Variants in FAM200B observed in about 807,000 individuals in gnomAD.
FAM200B encodes the protein zinc finger BED-type containing 11, also known as protein FAM200B.
A neutral mutation model predicts 33.1 loss-of-function variants in FAM200B; 32 were observed. That is an observed-to-expected ratio of 0.97 (90% CI 0.73 to 1.30). FAM200B has a LOEUF of 1.30. FAM200B is among the 50% of genes most tolerant of loss of function. The probability of loss-of-function intolerance (pLI) is 0.00; values close to 1 mark genes in which losing one functional copy is unlikely to be tolerated. For missense variants in FAM200B, 741 were observed against 754.0 expected (o/e 0.98, Z 0.20); for synonymous variants, 240 against 264.8 (o/e 0.91, Z 0.91).
chr4:15,685,547 G>A (rs532085319), intron 1 of FAM200B, among the ~76,000 whole-genome samples: 44 of 152,198 alleles, frequency 2.9e-4, no homozygotes, highest in African/African-American at 1.0e-3. Flanking sequence ...GTCTGTGTTG[G>A]GAGTTGGGGG....
chr4:15,646,731 T>G, the FAM200B span, among the ~76,000 whole-genome samples: 1 of 129,886 alleles, frequency 7.7e-6, no homozygotes, highest in African/African-American at 2.8e-5. Context: ...GTGTGTGATG[T>G]TCCCCTTCCC....
chr4:15,643,150 C>A, the FAM200B span, among the ~76,000 whole-genome samples: 3 of 152,012 alleles, frequency 2.0e-5, no homozygotes, highest in African/African-American at 7.2e-5. Flanking sequence ...TATCTAGTAC[C>A]CTACCCCAAC....
intron 1 of FAM200B, among the ~76,000 whole-genome samples, chr4:15,684,338 C>A (rs1718626971): frequency 6.6e-6 from 1 of 152,206 alleles, no homozygotes; most frequent in African/African-American, 2.4e-5. Flanking sequence ...CAGGTTTGAA[C>A]TTCTCCCCTA....
chr4:15,662,260 A>G, the FAM200B span, among the ~76,000 whole-genome samples: 32 of 152,326 alleles, frequency 2.1e-4, no homozygotes, highest in African/African-American at 7.0e-4. Flanking sequence ...ATTTAGGGGC[A>G]TAGGCTCCTT....
At chr4:15,656,217 A>G in the FAM200B span, 2 of 456,148 alleles carry the variant, frequency 4.4e-6, no homozygotes, top group Non-Finnish European at 4.4e-6. Context: ...GAGAGAAAAC[A>G]AGGTCACTAA....
intron 1 of FAM200B, among the ~76,000 whole-genome samples, chr4:15,683,188 C>T (rs1405404013): frequency 6.6e-6 from 1 of 152,170 alleles, no homozygotes; most frequent in African/African-American, 2.4e-5. Context: ...TTTTCCTAGT[C>T]CATCATATTA....
the FAM200B span, among the ~76,000 whole-genome samples, chr4:15,674,049 A>G: frequency 1.3e-5 from 2 of 152,360 alleles, no homozygotes; most frequent in Admixed American, 1.3e-4. Flanking sequence ...TGCCAGAACA[A>G]AAATTGATAC....
upstream of FAM200B, among the ~76,000 whole-genome samples, chr4:15,680,812 C>T (rs1008136314): frequency 2.0e-5 from 3 of 151,518 alleles, no homozygotes; most frequent in African/African-American, 4.8e-5. Flanking sequence ...GAAATTCAAG[C>T]TCCTGTATCT....
Position 15,688,874 on chromosome 4 carries a change from G to C in FAM200B, c.1897G>C (p.Ala633Pro). Residue 633 changes from alanine to proline, a missense_variant, in exon 2 of 2, where the codon GCA (alanine) becomes CCA (proline). Ala to Pro is a conservative substitution (Grantham distance 27). Coordinates refer to ENST00000422728, the MANE Select transcript of FAM200B (RefSeq NM_001145191.2). ...GGAAAGAAATGGGCTGAATTGTGCA[G>C]CAGTTATGCGGGTAGCATTATCTTC... ...TKERNGLNCA[A>P]VMRVALSSCV... 1 of 1,550,960 alleles carries C rather than the reference G, an allele frequency of 6.4e-7. No individual in the cohort carries two copies. Among genetic ancestry groups the C allele is most frequent in the African/African-American group, 1.4e-5 (1 of 73,144 alleles).
At position 15,686,675 on chromosome 4, in the gene FAM200B, CGA is replaced by C. The variant is rs757568306; in HGVS notation, c.-299_-298del. 1 of 180,102 alleles carries C rather than the reference CGA, an allele frequency of 5.6e-6. No individual in the cohort carries two copies. The allele number at this position is 180,102 out of a possible 1,614,324, so 11.2% of individuals were successfully genotyped here. On this transcript the variant is annotated 5_prime_UTR_variant, in exon 2 of 2. An upstream open reading frame in the 5' UTR loses its in-frame stop. Transcript: ENST00000422728. ...GAATGCTGAGGTCAATTTCAATATG[CGA>C]GAGGGGTATTTGATGGAGGAGATAT...
At chr4:15,654,089 T>A in the FAM200B span, among the ~76,000 whole-genome samples, 3 of 152,134 alleles carry the variant, frequency 2.0e-5, no homozygotes, top group African/African-American at 7.2e-5. Context: ...TGGTCTTGAG[T>A]GTGGCCTAAC....
chr4:15,651,737 A>G, the FAM200B span, among the ~76,000 whole-genome samples: 1 of 152,254 alleles, frequency 6.6e-6, no homozygotes, highest in Admixed American at 6.5e-5. Flanking sequence ...ATTCTTTCAT[A>G]AAAGTAAACA....
the FAM200B span, chr4:15,655,445 G>T: frequency 2.1e-6 from 2 of 970,890 alleles, no homozygotes; most frequent in Admixed American, 1.2e-4. Flanking sequence ...GGGGCGCGCA[G>T]GCCGCCGCCA....
chr4:15,682,447 G>A (rs1032017885), intron 1 of FAM200B, among the ~76,000 whole-genome samples: 1 of 152,124 alleles, frequency 6.6e-6, no homozygotes, highest in Non-Finnish European at 1.5e-5. Context: ...TTATATAAGT[G>A]ATTGAAGTCC....
At chr4:15,655,864 G>A in the FAM200B span, among the ~76,000 whole-genome samples, 1 of 152,208 alleles carries the variant, frequency 6.6e-6, no homozygotes, top group African/African-American at 2.4e-5. Flanking sequence ...GACCACCCCG[G>A]CCGCCACTCA....
chr4:15,641,719 G>T, the FAM200B span: 1 of 418,496 alleles, frequency 2.4e-6, no homozygotes, highest in Non-Finnish European at 4.7e-6. Flanking sequence ...TTGTTCAAGG[G>T]TCAACTGTAC....
chr4:15,640,975 C>G, the FAM200B span: 1 of 599,790 alleles, frequency 1.7e-6, no homozygotes, highest in Non-Finnish European at 2.8e-6. Context: ...CATAAAACCT[C>G]CGGGGAAAAA....
the FAM200B span, among the ~76,000 whole-genome samples, chr4:15,649,181 C>T: frequency 1.3e-5 from 2 of 151,590 alleles, no homozygotes; most frequent in African/African-American, 2.4e-5. Flanking sequence ...AAAAGAGCAA[C>T]AGAGAGAAAA....
At chr4:15,658,141 G>A in the FAM200B span, among the ~76,000 whole-genome samples, 2 of 152,324 alleles carry the variant, frequency 1.3e-5, no homozygotes, top group South Asian at 2.1e-4. Context: ...ATTGGCCAGG[G>A]AGGGTCAATT....
Sources: gnomAD v4.1 joint callset for allele counts (sites outside exome capture counted in the v4.1 genomes callset) on GRCh38, gnomAD v4.1.1 for gene constraint, MANE v1.5 for transcripts, NCBI Gene and HGNC (gene_info 2026-07-23, HGNC 2026-07-21) for gene names.